Variants in RSU1 observed in about 807,000 individuals in gnomAD.
The protein encoded by RSU1 is rsu-1.
A neutral mutation model predicts 31.1 loss-of-function variants in RSU1; 26 were observed. That is an observed-to-expected ratio of 0.84 (90% CI 0.61 to 1.16). The LOEUF (loss-of-function observed/expected upper bound fraction) is 1.16, where lower values mean the gene tolerates loss of function less well. RSU1 is among the 50% of genes most tolerant of loss of function. The probability of loss-of-function intolerance (pLI) is 0.00; values close to 1 mark genes in which losing one functional copy is unlikely to be tolerated. For synonymous variants in RSU1, 164 were observed against 136.3 expected, an observed-to-expected ratio of 1.20 and a Z score of -1.41; for missense variants, 320 against 339.1, an observed-to-expected ratio of 0.94 and a Z score of 0.44.
chr10:16,695,630 G>C (rs1835658830), intron 7 of RSU1, among the ~76,000 whole-genome samples: 1 of 152,188 alleles, frequency 6.6e-6, no homozygotes. Flanking sequence ...TGTTACTCAA[G>C]TATAAGAGCA....
At chr10:16,730,092 G>C (rs1439006871) in intron 7 of RSU1, among the ~76,000 whole-genome samples, 1 of 152,196 alleles carries the variant, frequency 6.6e-6, no homozygotes, top group African/African-American at 2.4e-5. Flanking sequence ...GAGCTGTTGT[G>C]TATAGATGAC....
At chr10:16,688,081 G>GT (rs1160340504) in intron 8 of RSU1, among the ~76,000 whole-genome samples, 2 of 152,038 alleles carry the variant, frequency 1.3e-5, no homozygotes, top group Admixed American at 6.6e-5. Flanking sequence ...ACATTCTGGA[G>GT]TTTTTTGTGT....
chr10:16,785,467 T>TAC (rs781020151), intron 2 of RSU1, among the ~76,000 whole-genome samples: 7,406 of 131,758 alleles, frequency 0.056, 416 homozygotes, highest in East Asian at 0.14. Flanking sequence ...TACATATATA[T>TAC]ATACACATAT....
At chr10:16,640,108 T>C (rs1834414990) in intron 8 of RSU1, among the ~76,000 whole-genome samples, 1 of 151,386 alleles carries the variant, frequency 6.6e-6, no homozygotes, top group East Asian at 1.9e-4. Flanking sequence ...ATCAGAAAAA[T>C]TATGACAGGG....
intron 5 of RSU1, among the ~76,000 whole-genome samples, chr10:16,753,639 G>A (rs1837024524): frequency 6.6e-6 from 1 of 152,206 alleles, no homozygotes; most frequent in African/African-American, 2.4e-5. Flanking sequence ...GAGAATATCA[G>A]TAGTCAGAAA....
intron 7 of RSU1, among the ~76,000 whole-genome samples, chr10:16,749,971 C>G (rs1836941439): frequency 1.3e-5 from 2 of 152,170 alleles, no homozygotes; most frequent in Non-Finnish European, 2.9e-5. Context: ...AGGTTCAAAT[C>G]TCACCTGACT....
chr10:16,698,410 C>A (rs1361777534), intron 7 of RSU1, among the ~76,000 whole-genome samples: 1 of 152,144 alleles, frequency 6.6e-6, no homozygotes, highest in African/African-American at 2.4e-5. Flanking sequence ...GCCTGCAAAA[C>A]CACTCTGGAA....
At chr10:16,669,658 T>G (rs1835071366) in intron 8 of RSU1, among the ~76,000 whole-genome samples, 1 of 152,210 alleles carries the variant, frequency 6.6e-6, no homozygotes, top group Non-Finnish European at 1.5e-5. Context: ...GGCTCCCACT[T>G]ACAAATGAGA....
At chr10:16,793,814 A>C (rs1837975116) in intron 2 of RSU1, among the ~76,000 whole-genome samples, 1 of 151,532 alleles carries the variant, frequency 6.6e-6, no homozygotes, top group Non-Finnish European at 1.5e-5. Context: ...CAATACAGAA[A>C]GTGATGGTGA....
rs201489029 is a variant in RSU1 at position 16,655,074 on chromosome 10, AAGAG to A, written c.731+39945_731+39948del. Among the ~76,000 whole-genome samples the A allele has an allele frequency of 9.5e-3, 736 of 77,550 alleles. 9 individuals carry two copies. The highest frequency in any genetic ancestry group is 0.026 in the African/African-American group (496 of 19,276). 50.9% of individuals were successfully genotyped at this position (77,550 alleles called of 152,430 possible). On this transcript the variant is annotated intron_variant, in intron 8 of 8. Transcript: ENST00000345264. ...GTCCCTTAAAAAAAAAAAAAAAAAA[AAGAG>A]AGAGAGAGAGAGAGAAATGCATTCT...
intron 8 of RSU1, among the ~76,000 whole-genome samples, chr10:16,594,267 C>T (rs1025778573): frequency 7.2e-5 from 11 of 152,192 alleles, no homozygotes; most frequent in African/African-American, 2.7e-4. Context: ...CCCGGCTCCA[C>T]AGCCCGCAGT....
chr10:16,736,011 G>A (rs1201636874), intron 7 of RSU1, among the ~76,000 whole-genome samples: 1 of 152,108 alleles, frequency 6.6e-6, no homozygotes, highest in Non-Finnish European at 1.5e-5. Flanking sequence ...AGACAGCTGT[G>A]CAAGAGTGGA....
intron 8 of RSU1, among the ~76,000 whole-genome samples, chr10:16,617,873 A>G (rs1834004815): frequency 6.6e-6 from 1 of 152,262 alleles, no homozygotes; most frequent in South Asian, 2.1e-4. Context: ...CCAAAACCAT[A>G]AAATCCCTAG....
At chr10:16,813,699 G>C (rs992895165) in intron 2 of RSU1, among the ~76,000 whole-genome samples, 21 of 152,166 alleles carry the variant, frequency 1.4e-4, no homozygotes, top group African/African-American at 4.8e-4. Flanking sequence ...TCCAAATCCA[G>C]GTTCCCCTCC....
In RSU1 at chr10:16,805,815, T is replaced by A. The variant is rs547720865; in HGVS notation, c.109+11158A>T. On this transcript the variant is annotated intron_variant, in intron 2 of 8. Coordinates refer to ENST00000345264, the MANE Select transcript of RSU1 (RefSeq NM_012425.4). ...TACCAAATCTGAGACTGTGAGATAT[T>A]CCAATTCTATCATCACCCATATCTG... 2.0e-5 allele frequency among the ~76,000 whole-genome samples: 3 copies of A among 152,172 alleles called. No homozygotes were observed. The South Asian group carries it at 6.2e-4, about 32-fold the overall frequency.
intron 8 of RSU1, among the ~76,000 whole-genome samples, chr10:16,611,595 T>C (rs977912692): frequency 4.6e-5 from 7 of 152,204 alleles, no homozygotes; most frequent in African/African-American, 1.7e-4. Flanking sequence ...CCTCACCCAC[T>C]GGCCTCTTTG....
chr10:16,679,303 A>T (rs1353311831), intron 8 of RSU1, among the ~76,000 whole-genome samples: 2 of 152,204 alleles, frequency 1.3e-5, no homozygotes, highest in Non-Finnish European at 1.5e-5. Flanking sequence ...AGTCTCTTAC[A>T]GGAGAAAAAA....
At chr10:16,750,662 G>A (rs576412965) in intron 7 of RSU1, among the ~76,000 whole-genome samples, 5 of 152,068 alleles carry the variant, frequency 3.3e-5, no homozygotes, top group East Asian at 3.9e-4. Context: ...TTATTTTTCC[G>A]TTTCTACTAA....
chr10:16,631,903 G>C (rs1200462367), intron 8 of RSU1, among the ~76,000 whole-genome samples: 1 of 152,158 alleles, frequency 6.6e-6, no homozygotes, highest in Admixed American at 6.5e-5. Context: ...GATTGGTCTC[G>C]GTCATGGGGA....
Sources: allele counts gnomAD v4.1 joint callset (sites outside exome capture counted in the v4.1 genomes callset), GRCh38; gene constraint gnomAD v4.1.1; transcripts MANE v1.5; gene names NCBI Gene and HGNC (gene_info 2026-07-23, HGNC 2026-07-21).